DPP6: variants seen among roughly 807,000 people sequenced by gnomAD.
DPP6 encodes dipeptidyl peptidase like 6.
Under a neutral mutation model 122.6 loss-of-function variants are expected in DPP6, and 69 were observed. That is an observed-to-expected ratio of 0.56 (90% CI 0.46 to 0.69). The LOEUF (loss-of-function observed/expected upper bound fraction) is 0.69. Among genes scored for constraint, DPP6 ranks in the 30% least tolerant of loss-of-function variants. The pLI is 0.00. For missense variants in DPP6, 928 were observed against 1,116.9 expected, an observed-to-expected ratio of 0.83 and a Z score of 2.41; for synonymous variants, 418 against 433.1, an observed-to-expected ratio of 0.97 and a Z score of 0.43.
chr7:154,815,346 A>T (rs1257205329), intron 16 of DPP6, among the ~76,000 whole-genome samples: 1 of 152,228 alleles, frequency 6.6e-6, no homozygotes. Flanking sequence ...GTCAAGTGGC[A>T]TACAGCCATA....
At chr7:154,732,788 C>G (rs959624769) in intron 8 of DPP6, among the ~76,000 whole-genome samples, 3 of 152,198 alleles carry the variant, frequency 2.0e-5, no homozygotes, top group Non-Finnish European at 4.4e-5. Context: ...CCCAGTTTGG[C>G]ACGGAAGCAT....
intron 1 of DPP6, among the ~76,000 whole-genome samples, chr7:153,943,328 A>C (rs1341027925): frequency 6.6e-6 from 1 of 152,220 alleles, no homozygotes; most frequent in East Asian, 1.9e-4. Flanking sequence ...TGTAATCAAC[A>C]AAATGTATTA....
intron 8 of DPP6, among the ~76,000 whole-genome samples, chr7:154,748,984 T>C (rs1001260946): frequency 1.3e-5 from 2 of 152,090 alleles, no homozygotes; most frequent in Non-Finnish European, 2.9e-5. Flanking sequence ...ATGGGGGCTT[T>C]ACTGAGAGAG....
chr7:154,471,038 G>A (rs937544422), intron 2 of DPP6, among the ~76,000 whole-genome samples: 7 of 152,116 alleles, frequency 4.6e-5, no homozygotes, highest in African/African-American at 1.7e-4. Flanking sequence ...ATCACCTGAG[G>A]TCAGGAGTTC....
intron 1 of DPP6, among the ~76,000 whole-genome samples, chr7:154,306,882 C>G (rs563082822): frequency 6.6e-6 from 1 of 152,144 alleles, no homozygotes; most frequent in African/African-American, 2.4e-5. Context: ...TTCAAAAATT[C>G]CACAGAATAT....
At chr7:153,923,760 C>CAAAA (rs1158548494) in intron 1 of DPP6, among the ~76,000 whole-genome samples, 8,795 of 46,644 alleles carry the variant, frequency 0.19, 1,023 homozygotes, top group Non-Finnish European at 0.22. Context: ...GACTCCATCT[C>CAAAA]AAAAAAAAAA....
chr7:154,724,743 A>G (rs774372098), intron 7 of DPP6, among the ~76,000 whole-genome samples: 1 of 151,804 alleles, frequency 6.6e-6, no homozygotes, highest in African/African-American at 2.4e-5. Context: ...GACAGGAAGT[A>G]GAGTAGGGGT....
chr7:154,364,910 C>T (rs1238508531), intron 1 of DPP6, among the ~76,000 whole-genome samples: 2 of 152,188 alleles, frequency 1.3e-5, no homozygotes, highest in African/African-American at 4.8e-5. Context: ...ACCCAGCTGA[C>T]ATTCATTATT....
intron 1 of DPP6, among the ~76,000 whole-genome samples, chr7:154,158,749 C>G (rs1027450777): frequency 6.6e-6 from 1 of 151,960 alleles, no homozygotes; most frequent in African/African-American, 2.4e-5. Flanking sequence ...GATTAAGCAG[C>G]GAGTCAGCTT....
At chr7:154,280,859 G>A (rs1330343306) in intron 1 of DPP6, among the ~76,000 whole-genome samples, 1 of 152,096 alleles carries the variant, frequency 6.6e-6, no homozygotes, top group African/African-American at 2.4e-5. Flanking sequence ...CATCCCACGA[G>A]GTAACCATTG....
intron 25 of DPP6, chr7:154,891,340 T>C (rs577596077): frequency 6.6e-6 from 1 of 152,320 alleles, no homozygotes; most frequent in East Asian, 1.9e-4. Context: ...GTAGAATAAT[T>C]AGCCATCATC....
chr7:154,255,500 C>A (rs866240074), intron 1 of DPP6, among the ~76,000 whole-genome samples: 1 of 152,042 alleles, frequency 6.6e-6, no homozygotes, highest in Admixed American at 6.5e-5. Flanking sequence ...TTCTGCGGTG[C>A]GGGAATGGCA....
In DPP6 at chr7:154,041,716, T is replaced by G. The variant is rs373325221; in HGVS notation, c.51+153982T>G. Reference sequence around the variant, plus strand: ...ATGCTATCAGGGCTCAAGGTGTGCATCCTTGCAAACACTGGCCCCTTCTTC... The same window carrying G: ...ATGCTATCAGGGCTCAAGGTGTGCAGCCTTGCAAACACTGGCCCCTTCTTC... On this transcript the variant is annotated intron_variant, in intron 1 of 25. Transcript: ENST00000404039. 1.9e-4 allele frequency among the ~76,000 whole-genome samples: 29 copies of G among 152,176 alleles called. No individual in the cohort carries two copies. The South Asian group carries it at 5.8e-3, about 31-fold the overall frequency.
intron 1 of DPP6, among the ~76,000 whole-genome samples, chr7:154,097,297 G>A (rs1207322678): frequency 6.6e-6 from 1 of 152,240 alleles, no homozygotes; most frequent in Non-Finnish European, 1.5e-5. Flanking sequence ...TCCCATGAAA[G>A]AAGAGGCTGA....
Position 154,058,135 on chromosome 7 carries a change from C to G in DPP6, c.243+5072C>G, listed in dbSNP as rs564282353. The G allele has an allele frequency of 5.4e-5, 8 of 147,910 alleles. No homozygotes were observed. The East Asian group carries it at 1.4e-3, about 26-fold the overall frequency. The allele number at this position is 147,910 out of a possible 1,614,324, so 9.2% of individuals were successfully genotyped here. A position where few individuals can be genotyped will look rare whatever the true frequency, so the allele number is the denominator to read the frequency against. On this transcript the variant is annotated intron_variant, in intron 1 of 25. Coordinates refer to ENST00000377770, the MANE Select transcript of DPP6 (RefSeq NM_130797.4). ...CTCAGAGCCAACCCCTCTTCCCCCC[C>G]CTGGCTCTTGGGACCACCATCGCAG... is the stretch of plus-strand genomic sequence containing the variant.
Position 154,148,275 on chromosome 7 carries a change from C to T in DPP6, c.243+95212C>T, listed in dbSNP as rs571138325. ...TCTGGCACCAGCAACCGCCCGGGGA[C>T]GGTGAGGGACCATGGGGTCAGCCTC... On this transcript the variant is annotated intron_variant, in intron 1 of 25. Transcript: ENST00000377770. Among the ~76,000 whole-genome samples the T allele has an allele frequency of 9.0e-5, 11 of 122,750 alleles. 2 individuals are homozygous for T. The South Asian group carries it at 1.5e-3, about 17-fold the overall frequency. 80.5% of individuals were successfully genotyped at this position (122,750 alleles called of 152,430 possible).
At chr7:154,306,515 A>G (rs1806361890) in intron 1 of DPP6, among the ~76,000 whole-genome samples, 2 of 152,202 alleles carry the variant, frequency 1.3e-5, no homozygotes, top group African/African-American at 4.8e-5. Flanking sequence ...CTCATTTGCT[A>G]GGATTAGGGC....
chr7:154,433,150 T>G (rs1219974607), intron 1 of DPP6, among the ~76,000 whole-genome samples: 1 of 131,946 alleles, frequency 7.6e-6, no homozygotes, highest in African/African-American at 3.0e-5. Flanking sequence ...TTTTTTTTTT[T>G]TTTTTTTTTT....
intron 1 of DPP6, among the ~76,000 whole-genome samples, chr7:153,989,590 G>T (rs1444213151): frequency 2.0e-5 from 3 of 151,952 alleles, no homozygotes; most frequent in Non-Finnish European, 4.4e-5. Flanking sequence ...CCCCAGCTGC[G>T]GTCCAGGGAG....
Sources: allele counts gnomAD v4.1 joint callset (sites outside exome capture counted in the v4.1 genomes callset), GRCh38; gene constraint gnomAD v4.1.1; transcripts MANE v1.5; gene names NCBI Gene and HGNC (gene_info 2026-07-23, HGNC 2026-07-21).